The following ELMO1 variants were observed in gnomAD, a reference collection of about 807,000 sequenced individuals.
The protein encoded by ELMO1 is engulfment and cell motility protein 1.
In ELMO1, 26 loss-of-function variants were observed where a neutral mutation model predicts 98.9. The ratio of observed to expected loss-of-function variants is 0.26; its 90% CI spans 0.19 to 0.36. The LOEUF is 0.36. ELMO1 is among the 10% of genes least tolerant of loss of function. The probability of loss-of-function intolerance (pLI) is 1.00; values close to 1 mark genes in which losing one functional copy is unlikely to be tolerated. For missense variants in ELMO1, 627 were observed against 935.2 expected, an observed-to-expected ratio of 0.67 and a Z score of 4.30; for synonymous variants, 346 against 346.0, an observed-to-expected ratio of 1.00 and a Z score of 0.00.
At chr7:37,399,439 G>A (rs1329355598) in intron 1 of ELMO1, among the ~76,000 whole-genome samples, 1 of 152,138 alleles carries the variant, frequency 6.6e-6, no homozygotes, top group Non-Finnish European at 1.5e-5. Context: ...GAAGCCCTGG[G>A]CATAGCCACC....
chr7:37,446,334 A>G (rs1261264079), intron 1 of ELMO1, among the ~76,000 whole-genome samples: 1 of 152,200 alleles, frequency 6.6e-6, no homozygotes, highest in Non-Finnish European at 1.5e-5. Flanking sequence ...AAAATACACC[A>G]ATGACTGTAT....
chr7:37,387,957 A>C (rs1802880574), intron 1 of ELMO1, among the ~76,000 whole-genome samples: 1 of 152,060 alleles, frequency 6.6e-6, no homozygotes, highest in Non-Finnish European at 1.5e-5. Flanking sequence ...TCAGCCTCCC[A>C]AGTAGCTGGG....
intron 16 of ELMO1, among the ~76,000 whole-genome samples, chr7:36,994,760 T>C (rs1165589870): frequency 6.6e-6 from 1 of 152,254 alleles, no homozygotes; most frequent in Non-Finnish European, 1.5e-5. Context: ...TGTGGCTTAC[T>C]TTCTTAAGTG....
chr7:37,437,177 A>C (rs191449721), intron 1 of ELMO1, among the ~76,000 whole-genome samples: 2 of 152,332 alleles, frequency 1.3e-5, no homozygotes, highest in Admixed American at 1.3e-4. Context: ...TACTCCAATG[A>C]CATGGGGTTT....
At chr7:37,368,014 T>C (rs948506871) in intron 1 of ELMO1, among the ~76,000 whole-genome samples, 2 of 152,182 alleles carry the variant, frequency 1.3e-5, no homozygotes, top group African/African-American at 4.8e-5. Context: ...GTAGGCAAAT[T>C]AGGAATGGCA....
At chr7:36,947,558 G>A (rs1297459121) in intron 16 of ELMO1, among the ~76,000 whole-genome samples, 1 of 152,062 alleles carries the variant, frequency 6.6e-6, no homozygotes, top group Non-Finnish European at 1.5e-5. Flanking sequence ...TCAGGCGTTG[G>A]CCTCCTAATC....
chr7:37,098,807 T>C (rs909054730), intron 14 of ELMO1, among the ~76,000 whole-genome samples: 2 of 152,014 alleles, frequency 1.3e-5, no homozygotes, highest in Non-Finnish European at 2.9e-5. Flanking sequence ...AGAGAGCAAA[T>C]CTGAAGCTCC....
chr7:37,197,278 C>A (rs181379499), intron 13 of ELMO1: 7 of 152,332 alleles, frequency 4.6e-5, no homozygotes, highest in Non-Finnish European at 4.4e-5. Context: ...TCTTATGTAA[C>A]CATGTGATTC....
At chr7:37,448,332 T>A (rs1289405943) in intron 1 of ELMO1, among the ~76,000 whole-genome samples, 1 of 121,258 alleles carries the variant, frequency 8.2e-6, no homozygotes, top group African/African-American at 3.1e-5. Context: ...CTGGTCGAAA[T>A]GTCTCGGCGG....
chr7:36,951,184 C>A (rs1787934642), intron 16 of ELMO1, among the ~76,000 whole-genome samples: 1 of 152,192 alleles, frequency 6.6e-6, no homozygotes, highest in Non-Finnish European at 1.5e-5. Flanking sequence ...CCACTCCAAT[C>A]TATTCTGGAC....
chr7:37,050,637 C>T (rs1033033619), intron 15 of ELMO1, among the ~76,000 whole-genome samples: 1 of 151,154 alleles, frequency 6.6e-6, no homozygotes, highest in African/African-American at 2.4e-5. Context: ...CACACACACA[C>T]ACACACACAC....
intron 1 of ELMO1, among the ~76,000 whole-genome samples, chr7:37,425,972 G>A (rs1804681227): frequency 6.6e-6 from 1 of 151,968 alleles, no homozygotes; most frequent in African/African-American, 2.4e-5. Context: ...CCAACAAAAG[G>A]ATCCATTCTT....
chr7:37,210,310 G>T (rs1792881204), intron 13 of ELMO1, among the ~76,000 whole-genome samples: 1 of 152,018 alleles, frequency 6.6e-6, no homozygotes, highest in Non-Finnish European at 1.5e-5. Context: ...TAGTAAAAGG[G>T]CTTGGTTAAA....
intron 16 of ELMO1, chr7:36,997,875 C>T (rs1001696404): frequency 4.6e-5 from 7 of 152,352 alleles, no homozygotes; most frequent in African/African-American, 1.7e-4. Flanking sequence ...AGCCAGGGAA[C>T]AGGATGAACA....
At chr7:36,912,340 C>T (rs1209421953) in intron 16 of ELMO1, among the ~76,000 whole-genome samples, 2 of 152,098 alleles carry the variant, frequency 1.3e-5, no homozygotes, top group Non-Finnish European at 2.9e-5. Context: ...TGCTGCCACG[C>T]CCAACTCTCC....
intron 1 of ELMO1, chr7:37,429,335 G>A (rs1804836009): frequency 6.6e-6 from 1 of 152,282 alleles, no homozygotes; most frequent in African/African-American, 2.4e-5. Context: ...ACTAAGGGAT[G>A]GAACAGTTAC....
At chr7:36,875,803 C>T (rs770418622) in intron 19 of ELMO1, among the ~76,000 whole-genome samples, 5 of 152,166 alleles carry the variant, frequency 3.3e-5, no homozygotes, top group Admixed American at 3.3e-4. Context: ...TGCCCCTACA[C>T]AAGGCTTTGT....
At chr7:37,223,154 T>TAAAC (rs1793690313) in intron 9 of ELMO1, among the ~76,000 whole-genome samples, 1 of 152,228 alleles carries the variant, frequency 6.6e-6, no homozygotes, top group South Asian at 2.1e-4. Flanking sequence ...TCTAAAAATC[T>TAAAC]ATTTCCAAAT....
intron 16 of ELMO1, among the ~76,000 whole-genome samples, chr7:36,973,719 C>T (rs985415511): frequency 6.6e-6 from 1 of 152,220 alleles, no homozygotes; most frequent in Non-Finnish European, 1.5e-5. Flanking sequence ...GGAGACAGCT[C>T]CCTCGGCTTG....
Sources: gnomAD v4.1 joint callset for allele counts (sites outside exome capture counted in the v4.1 genomes callset) on GRCh38, gnomAD v4.1.1 for gene constraint, MANE v1.5 for transcripts, NCBI Gene and HGNC (gene_info 2026-07-23, HGNC 2026-07-21) for gene names.